Variants in TPH2 observed in about 807,000 individuals in gnomAD.
TPH2 encodes tryptophan 5-hydroxylase 2.
A neutral mutation model predicts 59.1 loss-of-function variants in TPH2; 27 were observed. The ratio of observed to expected loss-of-function variants is 0.46; its 90% CI spans 0.34 to 0.63. The LOEUF (loss-of-function observed/expected upper bound fraction) is 0.63, where lower values mean the gene tolerates loss of function less well. TPH2 is among the 30% of genes least tolerant of loss of function. The pLI is 0.01. For synonymous variants in TPH2, 220 were observed against 210.5 expected, an observed-to-expected ratio of 1.05 and a Z score of -0.39; for missense variants, 523 against 588.3, an observed-to-expected ratio of 0.89 and a Z score of 1.15.
rs1472379760 is a variant in TPH2, at chr12:71,994,696, T to C, written c.1068+131T>C. 5.2e-6 allele frequency: 6 copies of C among 1,144,068 alleles called. No individual in the cohort carries two copies. The East Asian group carries it at 1.3e-4, about 25-fold the overall frequency. The allele number at this position is 1,144,068 out of a possible 1,614,324, so 70.9% of individuals were successfully genotyped here. On this transcript the variant is annotated intron_variant, in intron 8 of 10. Transcript: ENST00000333850. ...AACATGGTGAATTTACCTTTTCCTA[T>C]GTTGTATTCTTTTGAAGCACAATGA... is the stretch of plus-strand genomic sequence containing the variant.
chr12:72,019,157 A>G (rs1384303389), intron 8 of TPH2, among the ~76,000 whole-genome samples: 1 of 152,154 alleles, frequency 6.6e-6, no homozygotes, highest in Non-Finnish European at 1.5e-5. Flanking sequence ...TTCTTCTCCT[A>G]AGGGCTCTGC....
chr12:71,971,759 C>T lies in TPH2; in HGVS notation c.609-760C>T, dbSNP rs1871979616. On this transcript the variant is annotated intron_variant, in intron 5 of 10. Transcript: ENST00000333850. The stretch of plus-strand genomic sequence containing the variant: ...CTACTGTTTATGGGCCAAATAAAGA[C>T]AATTTTTATTAAAATACACCTATAT... 2.0e-5 allele frequency among the ~76,000 whole-genome samples: 3 copies of T among 152,182 alleles called. No individual in the cohort carries two copies. The South Asian group carries it at 6.2e-4, about 32-fold the overall frequency.
chr12:71,958,658 T>C (rs757453235), intron 5 of TPH2, among the ~76,000 whole-genome samples: 9 of 152,164 alleles, frequency 5.9e-5, no homozygotes, highest in Non-Finnish European at 1.0e-4. Context: ...GGCCCCATGC[T>C]ATTCTCCTCC....
chr12:72,005,163 G>A (rs1476712284), intron 8 of TPH2, among the ~76,000 whole-genome samples: 1 of 152,106 alleles, frequency 6.6e-6, no homozygotes, highest in Non-Finnish European at 1.5e-5. Context: ...CCAGACTAGG[G>A]GTAAGTAAGA....
intron 8 of TPH2, among the ~76,000 whole-genome samples, chr12:71,995,172 A>G (rs1407522246): frequency 1.3e-5 from 2 of 152,208 alleles, no homozygotes; most frequent in South Asian, 4.1e-4. Context: ...TGGATGTTAT[A>G]GTATCTTCCT....
chr12:71,981,777 G>T (rs953858539), intron 7 of TPH2, among the ~76,000 whole-genome samples: 1 of 152,062 alleles, frequency 6.6e-6, no homozygotes, highest in African/African-American at 2.4e-5. Context: ...TTTTGTCTGT[G>T]AGGTGCCCAT....
At chr12:71,940,142 AAT>A (rs1189409243) in intron 1 of TPH2, among the ~76,000 whole-genome samples, 1 of 152,210 alleles carries the variant, frequency 6.6e-6, no homozygotes, top group African/African-American at 2.4e-5. Flanking sequence ...TTGAAGTCAT[AAT>A]TAACTGCTAG....
At chr12:71,961,678 T>C (rs1482950234) in intron 5 of TPH2, 7 of 1,351,082 alleles carry the variant, frequency 5.2e-6, no homozygotes, top group Non-Finnish European at 6.9e-6. Flanking sequence ...AGATCCATTG[T>C]TGTTGCTGTT....
At position 71,949,572 on chromosome 12, in the gene TPH2, C is replaced by CT. The variant is rs1566115335; in HGVS notation, c.541-10dup. 3.1e-6 allele frequency: 5 copies of CT among 1,610,044 alleles called. No individual in the cohort carries two copies. The South Asian group carries it at 3.3e-5, about 11-fold the overall frequency. ...TCAGCACTTTGTTAAATAACTTAATCTTTTTTGTGTTTAAGGGATTTAAGG... is the reference window on the plus strand; with the variant it reads ...TCAGCACTTTGTTAAATAACTTAATCTTTTTTTGTGTTTAAGGGATTTAAGG... On this transcript the variant is annotated splice_polypyrimidine_tract_variant and intron_variant, in intron 4 of 10. Transcript: ENST00000333850.
chr12:71,950,653 G>A (rs1243461736), intron 5 of TPH2, among the ~76,000 whole-genome samples: 2 of 152,152 alleles, frequency 1.3e-5, no homozygotes, highest in African/African-American at 4.8e-5. Context: ...CAAGCTACAG[G>A]AAACTTGTCA....
At chr12:72,025,047 C>T (rs1487280) in intron 9 of TPH2, among the ~76,000 whole-genome samples, 79,675 of 151,804 alleles carry the variant, frequency 0.52, 22,184 homozygotes, top group Non-Finnish European at 0.63. Context: ...TTCTCCTTGC[C>T]CTGCTTGTGA....
At chr12:71,987,337 C>A (rs1317337655) in intron 7 of TPH2, among the ~76,000 whole-genome samples, 1 of 152,136 alleles carries the variant, frequency 6.6e-6, no homozygotes, top group Admixed American at 6.5e-5. Context: ...TCTTATGTGC[C>A]AGGCTTTTTT....
intron 5 of TPH2, among the ~76,000 whole-genome samples, chr12:71,970,494 T>C (rs1407833086): frequency 6.6e-6 from 1 of 152,240 alleles, no homozygotes; most frequent in African/African-American, 2.4e-5. Context: ...AGGGAAAATT[T>C]TGACCTAACG....
At chr12:72,022,312 C>A in intron 8 of TPH2, 87 bp from the exon 9 acceptor site, 1 of 858,674 alleles carries the variant, frequency 1.2e-6, no homozygotes, top group Non-Finnish European at 2.0e-6. Flanking sequence ...AAATTATGCA[C>A]AGCCCACCAT....
At chr12:72,028,557 T>C (rs1205230847) in intron 9 of TPH2, among the ~76,000 whole-genome samples, 4 of 152,196 alleles carry the variant, frequency 2.6e-5, no homozygotes, top group Non-Finnish European at 4.4e-5. Flanking sequence ...AGTCAGCTCA[T>C]GGTCAGGTAA....
chr12:71,997,974 G>T (rs1318452998), intron 8 of TPH2, among the ~76,000 whole-genome samples: 3 of 152,124 alleles, frequency 2.0e-5, no homozygotes, highest in East Asian at 3.9e-4. Flanking sequence ...TAGAAGAGAT[G>T]GTCTTCTCTA....
At chr12:72,018,917 C>A (rs1000698600) in intron 8 of TPH2, among the ~76,000 whole-genome samples, 2 of 152,176 alleles carry the variant, frequency 1.3e-5, no homozygotes, top group African/African-American at 2.4e-5. Flanking sequence ...TCTTAAATGT[C>A]ACCATCTAGA....
Position 71,938,918 on chromosome 12 carries a change from T to G in TPH2, c.-69T>G. The G allele has an allele frequency of 3.7e-6, 5 of 1,363,128 alleles. No individual in the cohort carries two copies. Among genetic ancestry groups the G allele is most frequent in the Non-Finnish European group, 5.2e-6 (5 of 955,288 alleles). 84.4% of individuals were successfully genotyped at this position (1,363,128 alleles called of 1,614,324 possible). A position where few individuals can be genotyped will look rare whatever the true frequency, so the allele number is the denominator to read the frequency against. ...CTGATCGCACGCCCCTTCCTCTCAATCTCCGCCAGCGCTGCTACTGCCCCT... is the reference window on the plus strand; with the variant it reads ...CTGATCGCACGCCCCTTCCTCTCAAGCTCCGCCAGCGCTGCTACTGCCCCT... On this transcript the variant is annotated 5_prime_UTR_variant, in exon 1 of 11. Transcript: ENST00000333850.
chr12:71,945,742 T>A (rs1208023002), intron 4 of TPH2, among the ~76,000 whole-genome samples: 1 of 152,156 alleles, frequency 6.6e-6, no homozygotes, highest in Non-Finnish European at 1.5e-5. Context: ...AAATCTTCAA[T>A]TAAACCAGTC....
Sources: gnomAD v4.1 joint callset for allele counts (sites outside exome capture counted in the v4.1 genomes callset) on GRCh38, gnomAD v4.1.1 for gene constraint, MANE v1.5 for transcripts, NCBI Gene and HGNC (gene_info 2026-07-23, HGNC 2026-07-21) for gene names.